The following SGSM3 variants were observed in gnomAD, a reference collection of about 807,000 sequenced individuals.
SGSM3 encodes RUN and SH3 containing 3.
A neutral mutation model predicts 100.5 loss-of-function variants in SGSM3; 96 were observed. The observed-to-expected ratio is 0.96, with a 90% CI of 0.81 to 1.13. The LOEUF is 1.13. SGSM3 is among the 50% of genes most tolerant of loss of function. The pLI is 0.00. For synonymous variants in SGSM3, 483 were observed against 422.8 expected (o/e 1.14, Z -1.75); for missense variants, 1,001 against 1,015.8 (o/e 0.99, Z 0.20).
intron 1 of SGSM3, among the ~76,000 whole-genome samples, chr22:40,397,293 G>A (rs1253485411): frequency 6.6e-6 from 1 of 152,156 alleles, no homozygotes; most frequent in Non-Finnish European, 1.5e-5. Context: ...CTGGCTGGGT[G>A]TGGTGGCTCA....
intron 1 of SGSM3, among the ~76,000 whole-genome samples, chr22:40,380,867 C>G (rs572478291): frequency 6.6e-6 from 1 of 151,884 alleles, no homozygotes; most frequent in Non-Finnish European, 1.5e-5. Flanking sequence ...CCTGGGAGGT[C>G]GAGGCTGCAG....
intron 1 of SGSM3, among the ~76,000 whole-genome samples, chr22:40,389,456 G>A (rs2146876846): frequency 6.6e-6 from 1 of 151,156 alleles, no homozygotes; most frequent in Admixed American, 6.6e-5. Flanking sequence ...AAAATTAGCC[G>A]GGCGTGGTGG....
At position 40,404,328 on chromosome 22, in the gene SGSM3, A is replaced by G; in HGVS notation, c.239A>G (p.His80Arg). The G allele has an allele frequency of 6.3e-7, 1 of 1,590,318 alleles. No homozygotes were observed. Among genetic ancestry groups the G allele is most frequent in the South Asian group, 1.1e-5 (1 of 87,132 alleles). The change falls in exon 5 of 22, where the codon CAC (histidine) becomes CGC (arginine). Residue 80 changes from histidine (H) to arginine (R), a missense_variant. Physicochemically the swap from His to Arg is conservative, Grantham distance 29 (BLOSUM62 0). Transcript: ENST00000248929. ...DAPQRLRWQA[H>R]LEFTHNHDVG... ...CCACAGAGGCTGCGGTGGCAGGCCCACCTGGAGTTCACCCATAACCACGAT... is the reference window on the plus strand; with the variant it reads ...CCACAGAGGCTGCGGTGGCAGGCCCGCCTGGAGTTCACCCATAACCACGAT...
intron 1 of SGSM3, among the ~76,000 whole-genome samples, chr22:40,378,506 A>G (rs2047028005): frequency 6.6e-6 from 1 of 152,026 alleles, no homozygotes; most frequent in Non-Finnish European, 1.5e-5. Context: ...AGGCGGGCAG[A>G]TCACTTGAAG....
At chr22:40,375,456 T>C (rs1601692912) in intron 1 of SGSM3, among the ~76,000 whole-genome samples, 1 of 151,946 alleles carries the variant, frequency 6.6e-6, no homozygotes, top group East Asian at 1.9e-4. Context: ...GGCAGGCGCC[T>C]GTAATCCCAG....
intron 21 of SGSM3, 42 bp from the exon 22 acceptor site, chr22:40,409,640 C>T (rs1246943166): frequency 2.5e-6 from 4 of 1,613,298 alleles, no homozygotes; most frequent in African/African-American, 1.3e-5. Context: ...CTACCCCAGC[C>T]ATGCCCAAGG....
chr22:40,380,453 G>A (rs12160928), intron 1 of SGSM3, among the ~76,000 whole-genome samples: 27 of 147,742 alleles, frequency 1.8e-4, no homozygotes, highest in African/African-American at 6.3e-4. Flanking sequence ...TGTAACCTCC[G>A]CCTCCCGGGT....
intron 1 of SGSM3, among the ~76,000 whole-genome samples, chr22:40,399,555 G>A (rs2050466416): frequency 6.6e-6 from 1 of 152,204 alleles, no homozygotes; most frequent in East Asian, 1.9e-4. Context: ...CTTATTTTCT[G>A]TTGTGTAAGG....
At chr22:40,400,161 G>A (rs1287371497) in intron 1 of SGSM3, among the ~76,000 whole-genome samples, 1 of 152,174 alleles carries the variant, frequency 6.6e-6, no homozygotes, top group African/African-American at 2.4e-5. Flanking sequence ...GATAACAACT[G>A]TCATTTCTGA....
At chr22:40,401,450 T>C in intron 2 of SGSM3, 143 bp from the exon 3 acceptor site, 1 of 574,746 alleles carries the variant, frequency 1.7e-6, no homozygotes, top group South Asian at 1.5e-5. Context: ...TTCTCCATGT[T>C]GGCCAGGCTG....
At chr22:40,398,966 A>G (rs77073961) in intron 1 of SGSM3, among the ~76,000 whole-genome samples, 1,930 of 139,430 alleles carry the variant, frequency 0.014, 308 homozygotes, top group African/African-American at 0.049. Flanking sequence ...TAGCAGAGCT[A>G]GGATTGGACT....
chr22:40,401,791 C>T, intron 3 of SGSM3, 116 bp downstream of exon 3: 2 of 810,438 alleles, frequency 2.5e-6, no homozygotes, highest in Non-Finnish European at 4.2e-6. Context: ...TTATGAGTTC[C>T]CCACCAGAGA....
chr22:40,409,609 G>A (rs772530417), intron 21 of SGSM3, 73 bp from the exon 22 acceptor site: 44 of 1,613,476 alleles, frequency 2.7e-5, no homozygotes, highest in Non-Finnish European at 3.5e-5. Flanking sequence ...AACCCGAAGT[G>A]CTGGTGTCAG....
intron 1 of SGSM3, among the ~76,000 whole-genome samples, chr22:40,386,880 G>A (rs915950432): frequency 6.6e-6 from 1 of 152,002 alleles, no homozygotes; most frequent in Admixed American, 6.6e-5. Context: ...AAGTTGGTTT[G>A]CTCTTATGAG....
At position 40,396,422 on chromosome 22, in the gene SGSM3, A is replaced by G. The variant is rs1370461555; in HGVS notation, c.-111-4274A>G. Among the ~76,000 whole-genome samples, 4 of 151,628 alleles carry G rather than the reference A, an allele frequency of 2.6e-5. No individual in the cohort carries two copies. The East Asian group carries it at 5.8e-4, about 22-fold the overall frequency. ...GCCTGGCCAACACGGCGAAACCCCAACTCTACTAAAAATACAAAAAATTAG... is the reference window on the plus strand; with the variant it reads ...GCCTGGCCAACACGGCGAAACCCCAGCTCTACTAAAAATACAAAAAATTAG... On this transcript the variant is annotated intron_variant, in intron 1 of 21. Coordinates refer to ENST00000248929, the MANE Select transcript of SGSM3 (RefSeq NM_015705.6).
chr22:40,393,202 C>T (rs960894934), intron 1 of SGSM3, among the ~76,000 whole-genome samples: 6 of 152,270 alleles, frequency 3.9e-5, no homozygotes, highest in African/African-American at 1.4e-4. Context: ...CTGCAACCTC[C>T]GCCTCCCAGA....
chr22:40,371,655 A>G (rs901497874), intron 1 of SGSM3, among the ~76,000 whole-genome samples: 1 of 149,906 alleles, frequency 6.7e-6, no homozygotes, highest in Admixed American at 6.6e-5. Flanking sequence ...TTTTTACACT[A>G]TTTCTGTTCT....
intron 19 of SGSM3, 71 bp from the exon 20 acceptor site, chr22:40,409,179 G>A: frequency 6.4e-7 from 1 of 1,556,096 alleles, no homozygotes; most frequent in Non-Finnish European, 8.7e-7. Context: ...ACAGGTCAGA[G>A]GCTTCCACCG....
At chr22:40,380,656 A>G (rs925687225) in intron 1 of SGSM3, among the ~76,000 whole-genome samples, 1 of 152,106 alleles carries the variant, frequency 6.6e-6, no homozygotes, top group Non-Finnish European at 1.5e-5. Context: ...TATAATCATA[A>G]AAACAGGCCT....
Sources: gnomAD v4.1 joint callset for allele counts (sites outside exome capture counted in the v4.1 genomes callset) on GRCh38, gnomAD v4.1.1 for gene constraint, MANE v1.5 for transcripts, NCBI Gene and HGNC (gene_info 2026-07-23, HGNC 2026-07-21) for gene names.